SPEG: variants seen among roughly 807,000 people sequenced by gnomAD.
The protein encoded by SPEG is striated muscle preferentially expressed protein kinase.
Under a neutral mutation model 300.4 loss-of-function variants are expected in SPEG, and 114 were observed. The ratio of observed to expected loss-of-function variants is 0.38; its 90% CI spans 0.33 to 0.44. The LOEUF is 0.44. Among genes scored for constraint, SPEG ranks in the 20% least tolerant of loss-of-function variants. SPEG has a pLI of 1.00. For synonymous variants in SPEG, 1,964 were observed against 2,018.9 expected (o/e 0.97, Z 0.73); for missense variants, 4,201 against 4,586.2 (o/e 0.92, Z 2.43).
chr2:219,477,638 C>A lies in SPEG; in HGVS notation c.4730-51C>A, dbSNP rs1231666380. ...TCTGTCCACCTGTCCCAGTCTCTGG[C>A]CTGCTTGCTTTCTTCCCCTCCCACC... On this transcript the variant is annotated intron_variant, in intron 20 of 40. Transcript: ENST00000312358. The surrounding 1 kb of genome is among the most constrained non-coding windows in gnomAD (Gnocchi z 6.4). 1.4e-6 allele frequency: 2 copies of A among 1,477,700 alleles called. No homozygotes were observed. Among genetic ancestry groups the A allele is most frequent in the Admixed American group, 2.1e-5 (1 of 48,654 alleles). The allele number at this position is 1,477,700 out of a possible 1,614,324, so 91.5% of individuals were successfully genotyped here. A position where few individuals can be genotyped will look rare whatever the true frequency, so the allele number is the denominator to read the frequency against.
chr2:219,448,901 G>A lies in SPEG; in HGVS notation c.1743G>A (p.Glu581=), dbSNP rs1246713593. The change falls in exon 4 of 41, where the codon GAG becomes GAA. Residue 581 remains glutamate, a synonymous_variant. Coordinates refer to ENST00000312358, the MANE Select transcript of SPEG (RefSeq NM_005876.5). ...GCCGCGGGCCGGCGGGCAGGACAGA[G>A]CCGGGGGAAGGCCCGCAGCAGGAGG... is the stretch of plus-strand genomic sequence containing the variant. ...PRSRGPAGRT[E]PGEGPQQEVR... is the part of the protein sequence containing the mutation. 1.9e-5 allele frequency: 28 copies of A among 1,456,384 alleles called. No individual in the cohort carries two copies. The highest frequency in any genetic ancestry group is 2.5e-5 in the Non-Finnish European group (28 of 1,111,078). 90.2% of individuals were successfully genotyped at this position (1,456,384 alleles called of 1,614,324 possible). A position where few individuals can be genotyped will look rare whatever the true frequency, so the allele number is the denominator to read the frequency against.
At chr2:219,468,030 G>T (rs1691530951) in intron 10 of SPEG, among the ~76,000 whole-genome samples, 1 of 152,244 alleles carries the variant, frequency 6.6e-6, no homozygotes, top group South Asian at 2.1e-4. Context: ...TGTGGGTGAT[G>T]AAGACCTAAG....
chr2:219,478,516 T>C (rs1414432109), intron 22 of SPEG, among the ~76,000 whole-genome samples: 1 of 152,232 alleles, frequency 6.6e-6, no homozygotes, highest in Non-Finnish European at 1.5e-5. Flanking sequence ...TGCATATTTG[T>C]AGTGACCCCA....
chr2:219,491,963 T>C, intron 39 of SPEG, 94 bp downstream of exon 39: 2 of 1,349,810 alleles, frequency 1.5e-6, no homozygotes, highest in South Asian at 1.4e-5. Context: ...GTGCCCCACC[T>C]CCCCTGTACA....
intron 28 of SPEG, 90 bp from the exon 29 acceptor site, chr2:219,482,694 C>T: frequency 1.7e-6 from 2 of 1,171,348 alleles, no homozygotes; most frequent in Non-Finnish European, 2.5e-6. Flanking sequence ...TCTCCTGCCA[C>T]CCCGCCCCAT....
At chr2:219,491,925 C>A in intron 39 of SPEG, 56 bp downstream of exon 39, 1 of 1,477,624 alleles carries the variant, frequency 6.8e-7, no homozygotes. Flanking sequence ...AGCTCCCGGA[C>A]TCACCTTCTG....
Position 219,485,547 on chromosome 2 carries a change from T to C in SPEG, c.7741+70T>C, listed in dbSNP as rs536433681. The C allele has an allele frequency of 3.9e-4, 573 of 1,461,260 alleles. 2 individuals are homozygous for C. Among genetic ancestry groups the C allele is most frequent in the African/African-American group, 1.3e-3 (88 of 69,044 alleles). 90.5% of individuals were successfully genotyped at this position (1,461,260 alleles called of 1,614,324 possible). ...CTCCCCTACCCCCATCAGGGAGCAG[T>C]CATGGCTGGTGAGAGGTGGGCCACC... On this transcript the variant is annotated intron_variant, in intron 31 of 40. Transcript: ENST00000312358.
At chr2:219,491,895 C>T in intron 39 of SPEG, 26 bp downstream of exon 39, 1 of 1,559,592 alleles carries the variant, frequency 6.4e-7, no homozygotes, top group South Asian at 1.2e-5. Flanking sequence ...CCCACCGCAG[C>T]CCTCTCTGCC....
Position 219,482,793 on chromosome 2 carries a change from A to C in SPEG, c.5575A>C (p.Lys1859Gln). The change falls in exon 29 of 41, where the codon AAG becomes CAG. Residue 1859 changes from lysine to glutamine, a missense_variant. Around this residue, in one of 4 missense-constraint regions of SPEG, gnomAD observed 1,578 missense variants for 1,506.0 expected, o/e 1.05. Transcript: ENST00000312358. ...LEHPWFKTQA[K>Q]GAEVSTDHLK... Reference sequence around the variant, plus strand: ...TTTCCTGGGTTTGCAGACTCAGGCAAAGGGCGCAGAGGTGAGCACGGATCA... The same window carrying C: ...TTTCCTGGGTTTGCAGACTCAGGCACAGGGCGCAGAGGTGAGCACGGATCA... 1 of 1,613,764 alleles carries C rather than the reference A, an allele frequency of 6.2e-7. No individual in the cohort carries two copies. Among genetic ancestry groups the C allele is most frequent in the Non-Finnish European group, 8.5e-7 (1 of 1,179,890 alleles).
chr2:219,453,226 C>G (rs963637338), intron 6 of SPEG, among the ~76,000 whole-genome samples: 24 of 152,188 alleles, frequency 1.6e-4, no homozygotes, highest in Non-Finnish European at 2.8e-4. Flanking sequence ...CATTTGGGAG[C>G]CTTTTATGGT....
At position 219,448,881 on chromosome 2, in the gene SPEG, G is replaced by A. The variant is rs946879631; in HGVS notation, c.1723G>A (p.Gly575Arg). ...GDEPGRPRSR[G>R]PAGRTEPGEG... is the part of the protein sequence containing the mutation. Reference sequence around the variant, plus strand: ...CGAGCCTGGGAGGCCCAGGAGCCGCGGGCCGGCGGGCAGGACAGAGCCGGG... The same window carrying A: ...CGAGCCTGGGAGGCCCAGGAGCCGCAGGCCGGCGGGCAGGACAGAGCCGGG... The change falls in exon 4 of 41, where the codon GGG becomes AGG. Residue 575 changes from glycine (G) to arginine (R), a missense_variant. Coordinates refer to ENST00000312358, the MANE Select transcript of SPEG (RefSeq NM_005876.5). 8.5e-6 allele frequency: 12 copies of A among 1,409,674 alleles called. No homozygotes were observed. Among genetic ancestry groups the A allele is most frequent in the Non-Finnish European group, 1.1e-5 (12 of 1,090,600 alleles). 87.3% of individuals were successfully genotyped at this position (1,409,674 alleles called of 1,614,324 possible).
chr2:219,475,131 A>G (rs1408727268), intron 18 of SPEG, among the ~76,000 whole-genome samples: 1 of 151,914 alleles, frequency 6.6e-6, no homozygotes, highest in Non-Finnish European at 1.5e-5. Context: ...AGTTTCTCAA[A>G]CTAGTTACTA....
rs1692637559 is a variant in SPEG at position 219,479,539 on chromosome 2, G to A, written c.5086-244G>A. On this transcript the variant is annotated intron_variant, in intron 23 of 40. Transcript: ENST00000312358. The surrounding 1 kb of genome is among the most constrained non-coding windows in gnomAD (Gnocchi z 5.5). ...TCTCACTGCAGTCCTGCCACGTCAG[G>A]CTGTACATGTTGTGCACTGCACAAT... Among the ~76,000 whole-genome samples the A allele has an allele frequency of 6.6e-6, 1 of 152,138 alleles. No individual in the cohort carries two copies. Among genetic ancestry groups the A allele is most frequent in the Non-Finnish European group, 1.5e-5 (1 of 68,036 alleles).
At chr2:219,437,943 G>A (rs960230607) in intron 1 of SPEG, among the ~76,000 whole-genome samples, 12 of 152,194 alleles carry the variant, frequency 7.9e-5, no homozygotes, top group Admixed American at 3.3e-4. Flanking sequence ...GGCTGCAGAC[G>A]GAAGGACATG....
chr2:219,472,468 T>C, intron 15 of SPEG, 137 bp downstream of exon 15: 1 of 740,530 alleles, frequency 1.4e-6, no homozygotes, highest in Non-Finnish European at 2.2e-6. Flanking sequence ...GGGACCAGCT[T>C]TGCCCGTCTT....
intron 4 of SPEG, among the ~76,000 whole-genome samples, chr2:219,450,174 C>T (rs1304540141): frequency 6.6e-6 from 1 of 152,172 alleles, no homozygotes; most frequent in Non-Finnish European, 1.5e-5. Flanking sequence ...TAATTAGGCC[C>T]CTGTCCATCA....
rs1463593204 is a variant in SPEG at position 219,480,189 on chromosome 2, G to T, written c.5342+49G>T. 15 of 1,593,630 alleles carry T rather than the reference G, an allele frequency of 9.4e-6. No individual in the cohort carries two copies. The highest frequency in any genetic ancestry group is 1.2e-5 in the Non-Finnish European group (14 of 1,164,694). ...GCCGACCAGGGCAGCTGCCCTTGGG[G>T]CTGTGCTGGGGACGCGCTCACTGGC... On this transcript the variant is annotated intron_variant, in intron 25 of 40. Transcript: ENST00000312358. This position sits in a 1 kb window ranked among gnomAD's most constrained non-coding sequence, Gnocchi z 5.3.
At chr2:219,468,449 G>A (rs1691577149) in intron 10 of SPEG, 129 bp from the exon 11 acceptor site, 2 of 1,052,292 alleles carry the variant, frequency 1.9e-6, no homozygotes, top group Non-Finnish European at 2.7e-6. Flanking sequence ...CCTCCCCTGA[G>A]TACCCAGAGC....
intron 7 of SPEG, 44 bp from the exon 8 acceptor site, chr2:219,462,254 G>A: frequency 1.3e-6 from 2 of 1,503,380 alleles, no homozygotes; most frequent in Non-Finnish European, 1.8e-6. Flanking sequence ...AGGACCCAAG[G>A]CTCTGCCCTG....
Sources: allele counts gnomAD v4.1 joint callset (sites outside exome capture counted in the v4.1 genomes callset), GRCh38; gene constraint gnomAD v4.1.1; regional missense constraint gnomAD v4.1.1; non-coding constraint Gnocchi (gnomAD v3.1); transcripts MANE v1.5; gene names NCBI Gene and HGNC (gene_info 2026-07-23, HGNC 2026-07-21).